The following ILRUN variants were observed in gnomAD, a reference collection of about 807,000 sequenced individuals.
The protein encoded by ILRUN is inflammation and lipid regulator with UBA-like and NBR1-like domains.
ILRUN carries 3 observed loss-of-function variants against 33.8 expected under a neutral mutation model. The observed-to-expected ratio is 0.09, with a 90% CI of 0.04 to 0.23. The LOEUF is 0.23. Among genes scored for constraint, ILRUN ranks in the 10% least tolerant of loss-of-function variants. The pLI is 1.00. For synonymous variants in ILRUN, 124 were observed against 138.9 expected (o/e 0.89, Z 0.75); for missense variants, 210 against 375.1 (o/e 0.56, Z 3.64).
chr6:34,597,255 T>C (rs1056733361), intron 4 of ILRUN, among the ~76,000 whole-genome samples: 1 of 152,252 alleles, frequency 6.6e-6, no homozygotes, highest in African/African-American at 2.4e-5. Context: ...AGCTATTTGT[T>C]ATTCAGAATT....
chr6:34,601,201 TAAC>T (rs1761500219), intron 4 of ILRUN, among the ~76,000 whole-genome samples: 1 of 152,178 alleles, frequency 6.6e-6, no homozygotes, highest in Non-Finnish European at 1.5e-5. Flanking sequence ...TAAATTTTAA[TAAC>T]AAAAATTAAA....
In ILRUN at chr6:34,587,631, C is replaced by G. The variant is rs1761219740; in HGVS notation, c.*2934G>C. ...CCACCATGGCCACCCTCAGGCCACA[C>G]CAGCTGTTTGGTGAGGTTCTCTCCA... On this transcript the variant is annotated 3_prime_UTR_variant, in exon 5 of 5. Transcript: ENST00000374023. 6.4e-6 allele frequency: 1 copy of G among 157,068 alleles called. No homozygotes were observed. The highest frequency in any genetic ancestry group is 1.4e-5 in the Non-Finnish European group (1 of 71,156). The allele number at this position is 157,068 out of a possible 1,614,324, so 9.7% of individuals were successfully genotyped here.
intron 4 of ILRUN, among the ~76,000 whole-genome samples, chr6:34,602,400 G>A (rs1476730190): frequency 4.6e-5 from 7 of 152,156 alleles, no homozygotes; most frequent in Admixed American, 1.3e-4. Context: ...AAAGGCATAC[G>A]TAACTTTAAC....
At chr6:34,604,230 C>CAAAAGA (rs1393463579) in intron 4 of ILRUN, among the ~76,000 whole-genome samples, 1 of 152,132 alleles carries the variant, frequency 6.6e-6, no homozygotes, top group East Asian at 1.9e-4. Context: ...CACCATAGTC[C>CAAAAGA]AGCCCTTCCA....
chr6:34,615,493 G>A (rs1761866931), intron 3 of ILRUN, among the ~76,000 whole-genome samples: 1 of 152,176 alleles, frequency 6.6e-6, no homozygotes, highest in Non-Finnish European at 1.5e-5. Flanking sequence ...CTACTGGGGA[G>A]GCTGGGGCAG....
intron 3 of ILRUN, among the ~76,000 whole-genome samples, chr6:34,614,380 C>A (rs535778208): frequency 3.9e-4 from 59 of 149,680 alleles, no homozygotes; most frequent in Admixed American, 1.0e-3. Flanking sequence ...AGAGGCCACG[C>A]CACTGCACTC....
Position 34,696,544 on chromosome 6 carries a change from G to A in ILRUN, c.60C>T (p.Gly20=), listed in dbSNP as rs774414527. Reference sequence around the variant, plus strand: ...AGATGAGCACGTCCTTGTCGGTGGTGCCCAGGCAGCTGAACTTCTGCATCA... The same window carrying A: ...AGATGAGCACGTCCTTGTCGGTGGTACCCAGGCAGCTGAACTTCTGCATCA... ...PELMQKFSCL[G]TTDKDVLISE... Residue 20 remains glycine, a synonymous_variant, in exon 1 of 5, where the codon GGC becomes GGT. Transcript: ENST00000374023. 1.2e-6 allele frequency: 2 copies of A among 1,613,210 alleles called. No homozygotes were observed.
chr6:34,633,872 G>GGAGA (rs1285564613), intron 3 of ILRUN, among the ~76,000 whole-genome samples: 156 of 101,296 alleles, frequency 1.5e-3, no homozygotes, highest in African/African-American at 1.8e-3. Context: ...AGGGAGACAT[G>GGAGA]GAGGGAGAGA....
intron 1 of ILRUN, among the ~76,000 whole-genome samples, chr6:34,693,652 T>C (rs548267078): frequency 1.3e-5 from 2 of 149,228 alleles, no homozygotes; most frequent in South Asian, 2.1e-4. Flanking sequence ...AAAACTCAAA[T>C]AGAAGTTTTA....
chr6:34,637,964 G>T lies in ILRUN; in HGVS notation c.511+8637C>A, dbSNP rs568722625. 1.1e-4 allele frequency among the ~76,000 whole-genome samples: 17 copies of T among 151,986 alleles called. No individual in the cohort carries two copies. The East Asian group carries it at 3.3e-3, about 29-fold the overall frequency. Reference sequence around the variant, plus strand: ...TGCAGTGGAGTGATCTCGGCTCACTGCAACCTCCGCCTCCCAGGCTCAAGC... The same window carrying T: ...TGCAGTGGAGTGATCTCGGCTCACTTCAACCTCCGCCTCCCAGGCTCAAGC... On this transcript the variant is annotated intron_variant, in intron 3 of 4. Transcript: ENST00000374023.
At chr6:34,662,157 T>C (rs1458608014) in intron 1 of ILRUN, among the ~76,000 whole-genome samples, 1 of 61,610 alleles carries the variant, frequency 1.6e-5, no homozygotes, top group African/African-American at 5.1e-5. Flanking sequence ...AAAAAAAAAA[T>C]TAGCTGGGCG....
chr6:34,686,004 A>C (rs1468051032), intron 1 of ILRUN, among the ~76,000 whole-genome samples: 5 of 152,226 alleles, frequency 3.3e-5, no homozygotes, highest in Non-Finnish European at 1.5e-5. Context: ...ATAAATCTTC[A>C]TGACCTTGGA....
At chr6:34,640,386 G>A (rs1456216942) in intron 3 of ILRUN, among the ~76,000 whole-genome samples, 1 of 152,146 alleles carries the variant, frequency 6.6e-6, no homozygotes, top group South Asian at 2.1e-4. Context: ...AAGAGGAAAC[G>A]TGAACTGAAA....
intron 1 of ILRUN, among the ~76,000 whole-genome samples, chr6:34,675,626 TC>T (rs1411514619): frequency 6.6e-6 from 1 of 151,868 alleles, no homozygotes; most frequent in African/African-American, 2.4e-5. Context: ...ACTGCTGGAG[TC>T]AATGTCATAA....
At chr6:34,652,667 C>T (rs926790299) in intron 2 of ILRUN, among the ~76,000 whole-genome samples, 12 of 152,172 alleles carry the variant, frequency 7.9e-5, no homozygotes, top group African/African-American at 2.9e-4. Flanking sequence ...TAAATCATCT[C>T]ATATAAAATT....
At chr6:34,668,040 T>C (rs1763039863) in intron 1 of ILRUN, among the ~76,000 whole-genome samples, 1 of 152,188 alleles carries the variant, frequency 6.6e-6, no homozygotes, top group South Asian at 2.1e-4. Context: ...AGAATGATGC[T>C]CTTGTTCTCC....
rs1054945709 is a variant in ILRUN, at chr6:34,683,497, T to C, written c.158+12949A>G. On this transcript the variant is annotated intron_variant, in intron 1 of 4. Coordinates refer to ENST00000374023, the MANE Select transcript of ILRUN (RefSeq NM_024294.4). Reference sequence around the variant, plus strand: ...ACACATATATATATACATATATATATACATATATATATATATACATATATA... The same window carrying C: ...ACACATATATATATACATATATATACACATATATATATATATACATATATA... Among the ~76,000 whole-genome samples the C allele has an allele frequency of 8.9e-4, 90 of 101,224 alleles. 2 individuals are homozygous for C. In the East Asian group the frequency reaches 0.01, roughly 12 times the overall value. The allele number at this position is 101,224 out of a possible 152,430, so 66.4% of individuals were successfully genotyped here.
At chr6:34,662,310 A>AG in intron 1 of ILRUN, among the ~76,000 whole-genome samples, 1 of 151,232 alleles carries the variant, frequency 6.6e-6, no homozygotes, top group Admixed American at 6.6e-5. Context: ...CGTCTCAAAA[A>AG]AAAAAAAAAA....
At chr6:34,670,780 C>T (rs764403709) in intron 1 of ILRUN, among the ~76,000 whole-genome samples, 1 of 145,014 alleles carries the variant, frequency 6.9e-6, no homozygotes. Flanking sequence ...CACTTGAACC[C>T]GGGAGGCAGA....
Sources: allele counts gnomAD v4.1 joint callset (sites outside exome capture counted in the v4.1 genomes callset), GRCh38; gene constraint gnomAD v4.1.1; transcripts MANE v1.5; gene names NCBI Gene and HGNC (gene_info 2026-07-23, HGNC 2026-07-21).